The following P4HA1 variants were observed in gnomAD, a reference collection of about 807,000 sequenced individuals.
P4HA1 encodes prolyl 4-hydroxylase subunit alpha-1.
Under a neutral mutation model 72.8 loss-of-function variants are expected in P4HA1, and 24 were observed. The observed-to-expected ratio is 0.33, with a 90% CI of 0.24 to 0.46. The LOEUF (loss-of-function observed/expected upper bound fraction) is 0.46, where lower values mean the gene tolerates loss of function less well. Among genes scored for constraint, P4HA1 ranks in the 20% least tolerant of loss-of-function variants. P4HA1 has a pLI of 1.00. For synonymous variants in P4HA1, 201 were observed against 218.8 expected (o/e 0.92, Z 0.72); for missense variants, 446 against 640.6 (o/e 0.70, Z 3.28).
intron 1 of P4HA1, among the ~76,000 whole-genome samples, chr10:73,087,308 G>A (rs1034552165): frequency 1.5e-5 from 2 of 137,610 alleles, no homozygotes; most frequent in African/African-American, 2.7e-5. Context: ...TCACTCTGTC[G>A]CCCAGGCTGG....
At chr10:73,058,768 A>T in intron 5 of P4HA1, among the ~76,000 whole-genome samples, 1 of 148,218 alleles carries the variant, frequency 6.7e-6, no homozygotes, top group Non-Finnish European at 1.5e-5. Context: ...CAGTATTTAT[A>T]GTATGCTTTT....
chr10:73,074,495 CA>C (rs910792737), intron 2 of P4HA1, among the ~76,000 whole-genome samples: 1 of 149,668 alleles, frequency 6.7e-6, no homozygotes, highest in South Asian at 2.1e-4. Context: ...GTTATAAATA[CA>C]AAAAAAAACT....
chr10:73,031,863 C>T (rs1446948880), intron 9 of P4HA1, among the ~76,000 whole-genome samples: 1 of 152,206 alleles, frequency 6.6e-6, no homozygotes, highest in African/African-American at 2.4e-5. Flanking sequence ...TTTAAGCAGT[C>T]AATCAGTCCT....
chr10:73,042,794 C>T lies in P4HA1; in HGVS notation c.1148+2187G>A, dbSNP rs149497615. Among the ~76,000 whole-genome samples the T allele has an allele frequency of 5.9e-5, 9 of 152,018 alleles. No homozygotes were observed. The East Asian group carries it at 1.7e-3, about 29-fold the overall frequency. The stretch of plus-strand genomic sequence containing the variant: ...AATGTCTGGAGACATTTTTGATTGT[C>T]ACAACTTAAGGAAGGGTGCTACTGG... On this transcript the variant is annotated intron_variant, in intron 9 of 14. Transcript: ENST00000394890.
chr10:73,024,030 CAAT>C (rs1840202033), intron 10 of P4HA1, among the ~76,000 whole-genome samples: 2 of 152,244 alleles, frequency 1.3e-5, no homozygotes, highest in South Asian at 2.1e-4. Flanking sequence ...GACTCTCACA[CAAT>C]AATAATGAGA....
At chr10:73,049,220 A>G (rs567399280) in intron 7 of P4HA1, among the ~76,000 whole-genome samples, 1 of 152,344 alleles carries the variant, frequency 6.6e-6, no homozygotes, top group African/African-American at 2.4e-5. Context: ...CTATCTATTG[A>G]AAGTGTCACC....
chr10:73,042,817 T>C (rs1414279145), intron 9 of P4HA1, among the ~76,000 whole-genome samples: 2 of 152,130 alleles, frequency 1.3e-5, no homozygotes, highest in Non-Finnish European at 2.9e-5. Flanking sequence ...AGGGTGCTAC[T>C]GGCATCCAGT....
At chr10:73,090,454 G>C (rs1161761035) in intron 1 of P4HA1, among the ~76,000 whole-genome samples, 1 of 152,176 alleles carries the variant, frequency 6.6e-6, no homozygotes, top group South Asian at 2.1e-4. Flanking sequence ...TCTTGAAGGT[G>C]ATGGATATGT....
intron 5 of P4HA1, among the ~76,000 whole-genome samples, chr10:73,062,985 G>GCCC (rs10634037): frequency 0.16 from 24,171 of 151,116 alleles, 3,177 homozygotes; most frequent in African/African-American, 0.34. Context: ...TTTTTTTCTG[G>GCCC]CCCCATTAGT....
intron 10 of P4HA1, among the ~76,000 whole-genome samples, chr10:73,029,624 T>C (rs1347864406): frequency 6.6e-6 from 1 of 150,688 alleles, no homozygotes; most frequent in Non-Finnish European, 1.5e-5. Context: ...TTTTCTCTGG[T>C]TTATAGGCCT....
chr10:73,048,995 G>A (rs189609232), intron 7 of P4HA1, among the ~76,000 whole-genome samples: 6 of 152,094 alleles, frequency 3.9e-5, no homozygotes, highest in East Asian at 1.9e-4. Flanking sequence ...TTAGCTGGGC[G>A]TGGTGGCAGG....
intron 1 of P4HA1, among the ~76,000 whole-genome samples, chr10:73,075,521 T>C (rs1173423542): frequency 6.6e-6 from 1 of 152,190 alleles, no homozygotes; most frequent in Non-Finnish European, 1.5e-5. Context: ...TAGGTGGCTT[T>C]TTCATATAGC....
rs200187184 is a variant in P4HA1, at chr10:73,007,579, TA to T, written c.*642del. On this transcript the variant is annotated 3_prime_UTR_variant, in exon 15 of 15. Transcript: ENST00000394890. ...AGTGTTGTTATGCAGGACTTTCCAT[TA>T]AAAAAAAAAAAAAAATCGAAATATT... is the stretch of plus-strand genomic sequence containing the variant. 16,700 of 140,032 alleles carry T rather than the reference TA, an allele frequency of 0.12. 1,201 individuals are homozygous for T. Among genetic ancestry groups the T allele is most frequent in the East Asian group, 0.3 (1,481 of 4,948 alleles). 8.7% of individuals were successfully genotyped at this position (140,032 alleles called of 1,614,324 possible).
At chr10:73,057,623 T>A (rs1330350721) in intron 5 of P4HA1, among the ~76,000 whole-genome samples, 1 of 151,780 alleles carries the variant, frequency 6.6e-6, no homozygotes, top group African/African-American at 2.4e-5. Flanking sequence ...GGTAGAAAAA[T>A]TTCCAAAATT....
chr10:73,013,998 T>A (rs1321195687), intron 12 of P4HA1, among the ~76,000 whole-genome samples: 1 of 152,194 alleles, frequency 6.6e-6, no homozygotes, highest in Admixed American at 6.5e-5. Context: ...TATCTGCAGG[T>A]AGTGGCACTA....
intron 10 of P4HA1, among the ~76,000 whole-genome samples, chr10:73,028,040 G>T (rs1840332653): frequency 6.6e-6 from 1 of 152,088 alleles, no homozygotes; most frequent in Non-Finnish European, 1.5e-5. Flanking sequence ...CTGAACAACA[G>T]TCAAACACTG....
At chr10:73,087,621 T>C (rs1841949900) in intron 1 of P4HA1, among the ~76,000 whole-genome samples, 1 of 152,110 alleles carries the variant, frequency 6.6e-6, no homozygotes, top group Admixed American at 6.6e-5. Context: ...TCCTGCATAG[T>C]GTCTACTCAA....
In P4HA1 at chr10:73,046,948, C is replaced by T. The variant is rs775043819; in HGVS notation, c.1054G>A (p.Val352Ile). ...ACCCTTGGTTTTGCTAGGTCTTTGACGATTTCAATTTCTGCATCAGAAATA... is the reference window on the plus strand; with the variant it reads ...ACCCTTGGTTTTGCTAGGTCTTTGATGATTTCAATTTCTGCATCAGAAATA... ...DIISDAEIEI[V>I]KDLAKPRLRR... The change falls in exon 8 of 15, where the codon GTC (valine) becomes ATC (isoleucine). Residue 352 changes from valine to isoleucine, a missense_variant. Val to Ile is a conservative substitution (Grantham distance 29). Transcript: ENST00000394890. 3.7e-6 allele frequency: 6 copies of T among 1,610,932 alleles called. No individual in the cohort carries two copies. The highest frequency in any genetic ancestry group is 1.7e-5 in the Admixed American group (1 of 59,754).
chr10:73,076,119 T>C (rs1841691542), intron 1 of P4HA1, among the ~76,000 whole-genome samples: 1 of 152,092 alleles, frequency 6.6e-6, no homozygotes, highest in African/African-American at 2.4e-5. Flanking sequence ...TGGTGACTGA[T>C]GGTGGAATGA....
Sources: allele counts gnomAD v4.1 joint callset (sites outside exome capture counted in the v4.1 genomes callset), GRCh38; gene constraint gnomAD v4.1.1; transcripts MANE v1.5; gene names NCBI Gene and HGNC (gene_info 2026-07-23, HGNC 2026-07-21).